The following STAU2 variants were observed in gnomAD, a reference collection of about 807,000 sequenced individuals.
STAU2 encodes the protein double-stranded RNA-binding protein Staufen homolog 2.
A neutral mutation model predicts 65.9 loss-of-function variants in STAU2; 20 were observed. The ratio of observed to expected loss-of-function variants is 0.30; its 90% CI spans 0.21 to 0.44. STAU2 has a LOEUF of 0.44. STAU2 is among the 20% of genes least tolerant of loss of function. STAU2 has a pLI of 1.00. For synonymous variants in STAU2, 232 were observed against 233.9 expected, an observed-to-expected ratio of 0.99 and a Z score of 0.07; for missense variants, 558 against 683.9, an observed-to-expected ratio of 0.82 and a Z score of 2.05.
chr8:73,494,355 G>A (rs1010129713), intron 13 of STAU2, among the ~76,000 whole-genome samples: 1 of 151,646 alleles, frequency 6.6e-6, no homozygotes, highest in African/African-American at 2.4e-5. Context: ...TACAATTTAG[G>A]TGGTAGGTAT....
At position 73,498,019 on chromosome 8, in the gene STAU2, T is replaced by C. The variant is rs931894219; in HGVS notation, c.1530+53993A>G. ...GCAACATAATATACTGATCTCTTAA[T>C]GTCTAGCACAGGACACATTGTGTTT... On this transcript the variant is annotated intron_variant, in intron 13 of 14. Transcript: ENST00000524300. Among the ~76,000 whole-genome samples, 3 of 151,862 alleles carry C rather than the reference T, an allele frequency of 2.0e-5. No individual in the cohort carries two copies. The South Asian group carries it at 6.2e-4, about 31-fold the overall frequency.
intron 6 of STAU2, among the ~76,000 whole-genome samples, chr8:73,667,260 A>ATTTG (rs1211727008): frequency 1.3e-5 from 2 of 152,120 alleles, no homozygotes; most frequent in Admixed American, 6.5e-5. Context: ...ATATTGCCAA[A>ATTTG]GCAATATTCC....
chr8:73,747,352 G>A (rs1355925837), upstream of STAU2: 2 of 1,533,906 alleles, frequency 1.3e-6, no homozygotes, highest in East Asian at 2.5e-5. Context: ...TGCTCTTTCT[G>A]GTCCGCACCC....
intron 13 of STAU2, among the ~76,000 whole-genome samples, chr8:73,520,071 T>C (rs958024043): frequency 6.6e-6 from 1 of 152,168 alleles, no homozygotes; most frequent in Non-Finnish European, 1.5e-5. Flanking sequence ...GGAACACACA[T>C]GCAAAGATAC....
intron 13 of STAU2, among the ~76,000 whole-genome samples, chr8:73,482,072 T>G (rs1227759246): frequency 6.6e-6 from 1 of 152,190 alleles, no homozygotes; most frequent in Non-Finnish European, 1.5e-5. Context: ...TTATACTGTT[T>G]GAGCGCCTCC....
intron 13 of STAU2, among the ~76,000 whole-genome samples, chr8:73,519,039 C>A (rs1408270810): frequency 6.6e-6 from 1 of 152,098 alleles, no homozygotes; most frequent in African/African-American, 2.4e-5. Flanking sequence ...AAAAAATAAA[C>A]AAAAATCAAG....
At chr8:73,621,951 C>CT (rs751349117) in intron 6 of STAU2, among the ~76,000 whole-genome samples, 25,878 of 129,866 alleles carry the variant, frequency 0.2, 3,147 homozygotes, top group East Asian at 0.35. Flanking sequence ...GTCTTTCTCT[C>CT]TTTTTTTTTT....
intron 4 of STAU2, among the ~76,000 whole-genome samples, chr8:73,702,795 A>G (rs1820206428): frequency 1.3e-5 from 2 of 152,188 alleles, no homozygotes; most frequent in Non-Finnish European, 2.9e-5. Flanking sequence ...AAAGATAGCC[A>G]GCATTATCAG....
chr8:73,603,793 T>C lies in STAU2; in HGVS notation c.962A>G (p.Glu321Gly). 1 of 1,612,186 alleles carries C rather than the reference T, an allele frequency of 6.2e-7. No individual in the cohort carries two copies. Among genetic ancestry groups the C allele is most frequent in the Non-Finnish European group, 8.5e-7 (1 of 1,179,944 alleles). The change falls in exon 10 of 15, where the codon GAA (glutamate) becomes GGA (glycine). Residue 321 changes from glutamate to glycine, a missense_variant. This residue lies in a region of STAU2 where 199 missense variants were observed against 299.5 expected (regional missense o/e 0.66). Coordinates refer to ENST00000524300, the MANE Select transcript of STAU2 (RefSeq NM_001164380.2). ...AAGCAAAACATAATCCGGCTCCTTT[T>C]CCTTTTTGGCCTGTTGAATTTGCGC... ...RLAQIQQAKK[E>G]KEPDYVLLSE...
At chr8:73,480,532 A>G (rs1459624894) in intron 13 of STAU2, among the ~76,000 whole-genome samples, 3 of 152,130 alleles carry the variant, frequency 2.0e-5, no homozygotes, top group African/African-American at 7.2e-5. Flanking sequence ...CAGAAAACAC[A>G]TGGAGAAAGG....
intron 6 of STAU2, among the ~76,000 whole-genome samples, chr8:73,618,490 G>A (rs1006000273): frequency 2.0e-5 from 3 of 152,152 alleles, no homozygotes; most frequent in African/African-American, 7.2e-5. Context: ...AAGCCTGTCT[G>A]GCAAAAGTTT....
intron 13 of STAU2, among the ~76,000 whole-genome samples, chr8:73,442,164 C>T (rs1266801119): frequency 6.6e-6 from 1 of 151,850 alleles, no homozygotes; most frequent in Non-Finnish European, 1.5e-5. Context: ...ATCATCCTGG[C>T]GAACATGGTG....
At chr8:73,553,286 C>T (rs187313851) in intron 12 of STAU2, among the ~76,000 whole-genome samples, 7 of 152,178 alleles carry the variant, frequency 4.6e-5, no homozygotes, top group African/African-American at 1.4e-4. Context: ...CTGAGAGACA[C>T]AACTTAATTT....
chr8:73,677,105 T>C (rs918785079), intron 5 of STAU2, among the ~76,000 whole-genome samples: 1 of 152,202 alleles, frequency 6.6e-6, no homozygotes, highest in African/African-American at 2.4e-5. Flanking sequence ...CCTAGCCTAA[T>C]GCCAACAGGC....
chr8:73,627,972 T>C (rs1302249073), intron 6 of STAU2, among the ~76,000 whole-genome samples: 1 of 152,152 alleles, frequency 6.6e-6, no homozygotes. Flanking sequence ...ATTATACTTT[T>C]CATGAAATAT....
intron 13 of STAU2, among the ~76,000 whole-genome samples, chr8:73,477,737 G>C (rs1820392340): frequency 6.6e-6 from 1 of 152,162 alleles, no homozygotes; most frequent in South Asian, 2.1e-4. Flanking sequence ...ATTTAGCTGA[G>C]GAAGGTGTCC....
At chr8:73,502,819 C>T (rs1455595180) in intron 13 of STAU2, among the ~76,000 whole-genome samples, 1 of 151,936 alleles carries the variant, frequency 6.6e-6, no homozygotes, top group Non-Finnish European at 1.5e-5. Flanking sequence ...GGACAGCATC[C>T]ATTTTTTATA....
chr8:73,629,828 G>A (rs1813960844), intron 6 of STAU2, among the ~76,000 whole-genome samples: 1 of 152,090 alleles, frequency 6.6e-6, no homozygotes, highest in Admixed American at 6.6e-5. Context: ...GTGTAGTCGT[G>A]CGATTATGCC....
At chr8:73,628,586 G>C (rs73686866) in intron 6 of STAU2, among the ~76,000 whole-genome samples, 12,618 of 152,088 alleles carry the variant, frequency 0.083, 598 homozygotes, top group Middle Eastern at 0.15. Flanking sequence ...AATCTCTCAA[G>C]TCCTTCCCAC....
Sources: allele counts gnomAD v4.1 joint callset (sites outside exome capture counted in the v4.1 genomes callset), GRCh38; gene constraint gnomAD v4.1.1; regional missense constraint gnomAD v4.1.1; transcripts MANE v1.5; gene names NCBI Gene and HGNC (gene_info 2026-07-23, HGNC 2026-07-21).